FOXP1: variants seen among roughly 807,000 people sequenced by gnomAD.
FOXP1 encodes the protein forkhead box protein P1.
FOXP1 carries 15 observed loss-of-function variants against 98.2 expected under a neutral mutation model. The observed-to-expected ratio is 0.15, with a 90% CI of 0.10 to 0.24. The LOEUF is 0.24. FOXP1 is among the 10% of genes least tolerant of loss of function. The probability of loss-of-function intolerance (pLI) is 1.00; values close to 1 mark genes in which losing one functional copy is unlikely to be tolerated. For missense variants in FOXP1, 633 were observed against 848.5 expected (o/e 0.75, Z 3.15); for synonymous variants, 371 against 314.5 (o/e 1.18, Z -1.90).
At chr3:70,989,474 A>G (rs2040270242) in intron 13 of FOXP1, among the ~76,000 whole-genome samples, 1 of 152,178 alleles carries the variant, frequency 6.6e-6, no homozygotes, top group South Asian at 2.1e-4. Flanking sequence ...AAGTTATTGA[A>G]CAGCCAAACT....
At position 71,362,565 on chromosome 3, in the gene FOXP1, G is replaced by A. The variant is rs139873981; in HGVS notation, c.-167-3321C>T. Among the ~76,000 whole-genome samples, 1,050 of 152,246 alleles carry A rather than the reference G, an allele frequency of 6.9e-3. 29 individuals are homozygous for A. The highest frequency in any genetic ancestry group is 4.1e-3 in the Non-Finnish European group (278 of 68,016). On this transcript the variant is annotated intron_variant, in intron 3 of 20. Transcript: ENST00000649528. ...GCTCTTTGCAGCCTCAATCTCCCAG[G>A]CTCAAGCCATCCTCCCACCTCAGCC...
chr3:71,067,477 CA>C (rs1051561321), intron 7 of FOXP1, among the ~76,000 whole-genome samples: 5 of 152,064 alleles, frequency 3.3e-5, no homozygotes, highest in Non-Finnish European at 7.4e-5. Context: ...GAAAGGCCAA[CA>C]AAAAAATTTT....
chr3:71,388,246 G>A (rs777255649), intron 3 of FOXP1, among the ~76,000 whole-genome samples: 2 of 152,160 alleles, frequency 1.3e-5, no homozygotes, highest in Non-Finnish European at 2.9e-5. Context: ...TAAAAAAGAT[G>A]TTCTAAATGC....
At chr3:70,993,710 G>GT (rs2040946964) in intron 13 of FOXP1, among the ~76,000 whole-genome samples, 1 of 152,114 alleles carries the variant, frequency 6.6e-6, no homozygotes. Context: ...CTTTTAAAAA[G>GT]TGACTCCTAC....
intron 7 of FOXP1, among the ~76,000 whole-genome samples, chr3:71,093,401 A>G (rs1258920861): frequency 6.7e-6 from 1 of 149,832 alleles, no homozygotes; most frequent in African/African-American, 2.5e-5. Context: ...ACATATGGCT[A>G]TTTAAATTTA....
chr3:71,001,390 A>G (rs115090094), intron 12 of FOXP1, among the ~76,000 whole-genome samples: 2,357 of 152,270 alleles, frequency 0.015, 68 homozygotes, highest in African/African-American at 0.051. Flanking sequence ...AGGGCCTGCT[A>G]GGTATTTCGG....
intron 4 of FOXP1, among the ~76,000 whole-genome samples, chr3:71,310,313 G>A (rs1186704111): frequency 1.3e-5 from 2 of 152,208 alleles, no homozygotes; most frequent in African/African-American, 2.4e-5. Flanking sequence ...TAGCCTGTTT[G>A]TGGGGATCTA....
intron 6 of FOXP1, among the ~76,000 whole-genome samples, chr3:71,117,065 A>G (rs2058424063): frequency 6.6e-6 from 1 of 151,286 alleles, no homozygotes; most frequent in South Asian, 2.1e-4. Flanking sequence ...CTCCAACTCC[A>G]ATGCCTAATC....
At chr3:71,255,015 G>A (rs1327146661) in intron 5 of FOXP1, among the ~76,000 whole-genome samples, 1 of 152,102 alleles carries the variant, frequency 6.6e-6, no homozygotes, top group Non-Finnish European at 1.5e-5. Context: ...CCCACTTAAC[G>A]CCAAGCAGTG....
At chr3:71,568,162 G>C (rs940625356) in intron 2 of FOXP1, among the ~76,000 whole-genome samples, 3 of 152,096 alleles carry the variant, frequency 2.0e-5, no homozygotes, top group African/African-American at 7.2e-5. Flanking sequence ...TCCCTCATGG[G>C]ACCTTGCAGA....
chr3:70,996,435 T>G (rs2041370513), intron 13 of FOXP1, among the ~76,000 whole-genome samples: 1 of 152,214 alleles, frequency 6.6e-6, no homozygotes, highest in Admixed American at 6.5e-5. Flanking sequence ...GCTTTTCAGT[T>G]TAATTCAAGT....
intron 7 of FOXP1, chr3:71,064,804 G>A (rs1418203124): frequency 1.0e-6 from 1 of 984,766 alleles, no homozygotes; most frequent in Non-Finnish European, 1.2e-6. Flanking sequence ...AACCGGCAAA[G>A]ATCAATCAGA....
intron 20 of FOXP1, among the ~76,000 whole-genome samples, chr3:70,964,302 T>A (rs1441681505): frequency 1.3e-5 from 2 of 152,238 alleles, no homozygotes; most frequent in African/African-American, 4.8e-5. Flanking sequence ...TTCAAATTTG[T>A]TAAACAAATT....
At chr3:71,336,010 C>CAAAAAAA (rs60051890) in intron 4 of FOXP1, among the ~76,000 whole-genome samples, 8 of 34,090 alleles carry the variant, frequency 2.3e-4, no homozygotes, top group Admixed American at 5.5e-4. Flanking sequence ...AACTCCATCT[C>CAAAAAAA]AAAAAAAAAA....
intron 7 of FOXP1, among the ~76,000 whole-genome samples, chr3:71,093,332 C>T (rs1299013046): frequency 1.3e-5 from 2 of 149,124 alleles, no homozygotes; most frequent in South Asian, 4.4e-4. Flanking sequence ...TCCAATAGAT[C>T]TTTTCACAAT....
At chr3:71,085,811 C>T (rs1272258549) in intron 7 of FOXP1, among the ~76,000 whole-genome samples, 1 of 133,648 alleles carries the variant, frequency 7.5e-6, no homozygotes. Flanking sequence ...CTCACTGCAA[C>T]CTCCGCCTCC....
chr3:71,086,728 A>G (rs1030272394), intron 7 of FOXP1, among the ~76,000 whole-genome samples: 2 of 152,126 alleles, frequency 1.3e-5, no homozygotes. Flanking sequence ...TGAGCAGCAA[A>G]CTTCTGCCCC....
At chr3:71,190,780 C>A (rs978512394) in intron 6 of FOXP1, among the ~76,000 whole-genome samples, 25 of 152,034 alleles carry the variant, frequency 1.6e-4, no homozygotes, top group African/African-American at 6.0e-4. Flanking sequence ...ATGGGAAACT[C>A]TTCATGACAT....
intron 7 of FOXP1, among the ~76,000 whole-genome samples, chr3:71,070,549 A>C (rs1006397434): frequency 2.0e-5 from 3 of 152,218 alleles, no homozygotes; most frequent in Non-Finnish European, 4.4e-5. Context: ...GTACTTGCTT[A>C]TCCTTTGTTT....
Sources: gnomAD v4.1 joint callset for allele counts (sites outside exome capture counted in the v4.1 genomes callset) on GRCh38, gnomAD v4.1.1 for gene constraint, MANE v1.5 for transcripts, NCBI Gene and HGNC (gene_info 2026-07-23, HGNC 2026-07-21) for gene names.